Variants in SLC44A1 observed in about 807,000 individuals in gnomAD.
The protein encoded by SLC44A1 is choline transporter-like protein 1.
In SLC44A1, 26 loss-of-function variants were observed where a neutral mutation model predicts 79.3. That is an observed-to-expected ratio of 0.33 (90% CI 0.24 to 0.46). The LOEUF (loss-of-function observed/expected upper bound fraction) is 0.46, where lower values mean the gene tolerates loss of function less well. Among genes scored for constraint, SLC44A1 ranks in the 20% least tolerant of loss-of-function variants. The probability of loss-of-function intolerance (pLI) is 1.00; values close to 1 mark genes in which losing one functional copy is unlikely to be tolerated. For missense variants in SLC44A1, 688 were observed against 798.1 expected (o/e 0.86, Z 1.66); for synonymous variants, 263 against 286.2 (o/e 0.92, Z 0.82).
At chr9:105,329,046 G>A (rs931856102) in intron 3 of SLC44A1, among the ~76,000 whole-genome samples, 1 of 152,114 alleles carries the variant, frequency 6.6e-6, no homozygotes, top group Non-Finnish European at 1.5e-5. Context: ...GAAATAAGAG[G>A]CCTCCTCTGG....
chr9:105,358,576 T>C (rs920443648), intron 7 of SLC44A1, 143 bp downstream of exon 7: 10 of 621,268 alleles, frequency 1.6e-5, no homozygotes, highest in African/African-American at 9.3e-5. Flanking sequence ...AAATTTCTTA[T>C]AATTATATTT....
At chr9:105,374,838 T>C in intron 13 of SLC44A1, 103 bp downstream of exon 13, 1 of 853,842 alleles carries the variant, frequency 1.2e-6, no homozygotes, top group Admixed American at 2.2e-5. Context: ...CTAAAAGTAA[T>C]ATATAGCGAG....
intron 1 of SLC44A1, among the ~76,000 whole-genome samples, chr9:105,267,210 C>T (rs1467596394): frequency 3.9e-5 from 6 of 152,152 alleles, no homozygotes; most frequent in Admixed American, 3.3e-4. Context: ...GTTCCATTGC[C>T]TTCTGACTTC....
chr9:105,372,993 C>A (rs1484357769), intron 12 of SLC44A1, among the ~76,000 whole-genome samples: 4 of 151,282 alleles, frequency 2.6e-5, no homozygotes, highest in Admixed American at 2.6e-4. Flanking sequence ...CTGCTCAGTA[C>A]AATACTCTCT....
chr9:105,436,385 T>G (rs1657261086), intron 15 of SLC44A1, among the ~76,000 whole-genome samples: 1 of 151,846 alleles, frequency 6.6e-6, no homozygotes, highest in Non-Finnish European at 1.5e-5. Flanking sequence ...GGGGAAAAAA[T>G]CATGAAAGTT....
intron 15 of SLC44A1, among the ~76,000 whole-genome samples, chr9:105,420,917 G>A (rs1465353349): frequency 6.9e-6 from 1 of 145,026 alleles, no homozygotes; most frequent in Admixed American, 7.0e-5. Flanking sequence ...GTGCTGTTGT[G>A]TTGCTTTGAT....
chr9:105,342,319 G>A (rs954634882), intron 4 of SLC44A1, among the ~76,000 whole-genome samples: 1 of 152,156 alleles, frequency 6.6e-6, no homozygotes, highest in Non-Finnish European at 1.5e-5. Context: ...CCTTTGTCCA[G>A]CATATCCACA....
chr9:105,262,258 G>T (rs1032915815), intron 1 of SLC44A1, among the ~76,000 whole-genome samples: 2 of 152,164 alleles, frequency 1.3e-5, no homozygotes, highest in African/African-American at 2.4e-5. Context: ...TCACTGGTAA[G>T]GATGAAGTTC....
intron 15 of SLC44A1, among the ~76,000 whole-genome samples, chr9:105,387,536 C>G (rs568583844): frequency 6.6e-6 from 1 of 152,070 alleles, no homozygotes; most frequent in African/African-American, 2.4e-5. Context: ...GGCTTCCTTC[C>G]TTCTACTGCT....
intron 1 of SLC44A1, among the ~76,000 whole-genome samples, chr9:105,245,174 C>G (rs1024551635): frequency 6.6e-6 from 1 of 152,012 alleles, no homozygotes; most frequent in African/African-American, 2.4e-5. Context: ...GCCCCCTCCT[C>G]CCAGTCACAC....
chr9:105,266,360 A>G (rs1325775971), intron 1 of SLC44A1, among the ~76,000 whole-genome samples: 1 of 152,160 alleles, frequency 6.6e-6, no homozygotes, highest in African/African-American at 2.4e-5. Flanking sequence ...TATGCTTTTG[A>G]TATCATAGCT....
At chr9:105,406,558 T>C (rs1211990648) in intron 15 of SLC44A1, among the ~76,000 whole-genome samples, 1 of 151,932 alleles carries the variant, frequency 6.6e-6, no homozygotes, top group Non-Finnish European at 1.5e-5. Flanking sequence ...CTGGGCAACA[T>C]AGTGAGACCC....
chr9:105,305,171 T>C (rs890232104), intron 2 of SLC44A1, among the ~76,000 whole-genome samples: 1 of 151,720 alleles, frequency 6.6e-6, no homozygotes, highest in Non-Finnish European at 1.5e-5. Context: ...GGTCTCACTA[T>C]GTTGCCCAAG....
At chr9:105,326,632 A>G (rs1588784215) in intron 3 of SLC44A1, among the ~76,000 whole-genome samples, 1 of 152,276 alleles carries the variant, frequency 6.6e-6, no homozygotes, top group African/African-American at 2.4e-5. Flanking sequence ...ATCTATTCGA[A>G]ACTATGAAGT....
intron 1 of SLC44A1, among the ~76,000 whole-genome samples, chr9:105,296,290 T>C (rs1183209475): frequency 1.3e-5 from 2 of 152,174 alleles, no homozygotes; most frequent in South Asian, 2.1e-4. Context: ...ATTTTTTATA[T>C]GTAACTCCTA....
chr9:105,369,952 G>A (rs1828049636), intron 12 of SLC44A1, among the ~76,000 whole-genome samples: 1 of 152,250 alleles, frequency 6.6e-6, no homozygotes, highest in Non-Finnish European at 1.5e-5. Flanking sequence ...AAAGATTCCT[G>A]GATGGTGGTC....
chr9:105,300,372 T>C (rs1830846244), intron 2 of SLC44A1, among the ~76,000 whole-genome samples: 1 of 152,168 alleles, frequency 6.6e-6, no homozygotes, highest in Admixed American at 6.5e-5. Flanking sequence ...TTCCTACTCA[T>C]GTGTATTTTT....
chr9:105,341,194 G>A (rs1389120555), intron 4 of SLC44A1, among the ~76,000 whole-genome samples: 1 of 152,040 alleles, frequency 6.6e-6, no homozygotes, highest in Non-Finnish European at 1.5e-5. Flanking sequence ...AATTAGCTGG[G>A]CATGGTGGCA....
chr9:105,415,550 G>C (rs1196742538), intron 15 of SLC44A1, among the ~76,000 whole-genome samples: 2 of 152,198 alleles, frequency 1.3e-5, no homozygotes, highest in African/African-American at 4.8e-5. Flanking sequence ...GTCCTTGAGA[G>C]GGCAGCCATA....
Sources: gnomAD v4.1 joint callset for allele counts (sites outside exome capture counted in the v4.1 genomes callset) on GRCh38, gnomAD v4.1.1 for gene constraint, MANE v1.5 for transcripts, NCBI Gene and HGNC (gene_info 2026-07-23, HGNC 2026-07-21) for gene names.